The following RABGAP1L variants were observed in gnomAD, a reference collection of about 807,000 sequenced individuals.
The protein encoded by RABGAP1L is RAB GTPase activating protein 1 like, also known as rab GTPase-activating protein 1-like.
A neutral mutation model predicts 137.7 loss-of-function variants in RABGAP1L; 63 were observed. That is an observed-to-expected ratio of 0.46 (90% CI 0.37 to 0.56). The LOEUF (loss-of-function observed/expected upper bound fraction) is 0.56, where lower values mean the gene tolerates loss of function less well. RABGAP1L is among the 20% of genes least tolerant of loss of function. The pLI is 0.00. For missense variants in RABGAP1L, 1,095 were observed against 1,244.0 expected, an observed-to-expected ratio of 0.88 and a Z score of 1.80; for synonymous variants, 431 against 433.7, an observed-to-expected ratio of 0.99 and a Z score of 0.08.
intron 13 of RABGAP1L, among the ~76,000 whole-genome samples, chr1:174,477,685 A>G (rs1428162696): frequency 6.6e-6 from 1 of 152,180 alleles, no homozygotes; most frequent in African/African-American, 2.4e-5. Flanking sequence ...ATCAGACAAC[A>G]TTGTAGTGTG....
intron 14 of RABGAP1L, among the ~76,000 whole-genome samples, chr1:174,644,116 G>A (rs1338662790): frequency 6.6e-6 from 1 of 152,026 alleles, no homozygotes; most frequent in East Asian, 1.9e-4. Context: ...GACTTTATGA[G>A]TCACAGCTCA....
chr1:174,282,226 A>G (rs1675638138), intron 10 of RABGAP1L, among the ~76,000 whole-genome samples: 1 of 152,220 alleles, frequency 6.6e-6, no homozygotes, highest in Non-Finnish European at 1.5e-5. Context: ...TGTTTTCTAC[A>G]GTGCTTGACC....
intron 13 of RABGAP1L, among the ~76,000 whole-genome samples, chr1:174,537,567 C>T (rs1331574675): frequency 6.6e-6 from 1 of 152,172 alleles, no homozygotes; most frequent in African/African-American, 2.4e-5. Context: ...AAATGCTATA[C>T]ACCATCATCC....
intron 11 of RABGAP1L, among the ~76,000 whole-genome samples, chr1:174,327,351 G>T (rs765498583): frequency 2.0e-5 from 3 of 151,914 alleles, no homozygotes; most frequent in African/African-American, 7.2e-5. Flanking sequence ...TATATAAAAA[G>T]ATGTAAATTA....
At chr1:174,389,893 G>T (rs1482938688) in intron 12 of RABGAP1L, among the ~76,000 whole-genome samples, 1 of 152,024 alleles carries the variant, frequency 6.6e-6, no homozygotes, top group Non-Finnish European at 1.5e-5. Flanking sequence ...ATTGTATTAG[G>T]TATCCGTCTT....
chr1:174,785,717 C>A (rs549022761), intron 18 of RABGAP1L, among the ~76,000 whole-genome samples: 1 of 152,224 alleles, frequency 6.6e-6, no homozygotes, highest in Non-Finnish European at 1.5e-5. Context: ...TTCAACTGCT[C>A]ACTCTCATGT....
intron 13 of RABGAP1L, among the ~76,000 whole-genome samples, chr1:174,629,183 A>G (rs1056323293): frequency 1.3e-5 from 2 of 152,184 alleles, no homozygotes; most frequent in Non-Finnish European, 2.9e-5. Flanking sequence ...GGATGATTAG[A>G]TGTGCATTCC....
intron 18 of RABGAP1L, among the ~76,000 whole-genome samples, chr1:174,789,626 C>G (rs141417683): frequency 2.6e-4 from 40 of 152,212 alleles, no homozygotes; most frequent in African/African-American, 8.9e-4. Flanking sequence ...TGTGTTGTGT[C>G]TCTGTGGGGT....
chr1:174,300,295 G>A (rs1677548550), intron 10 of RABGAP1L, among the ~76,000 whole-genome samples: 1 of 152,146 alleles, frequency 6.6e-6, no homozygotes. Flanking sequence ...GGAGGCCGAG[G>A]CTGGTGAATC....
chr1:174,854,903 A>G (rs1649035464), intron 19 of RABGAP1L, among the ~76,000 whole-genome samples: 1 of 151,258 alleles, frequency 6.6e-6, no homozygotes, highest in Admixed American at 6.6e-5. Context: ...GCATCTGGCT[A>G]GTTTTTGTAT....
intron 18 of RABGAP1L, among the ~76,000 whole-genome samples, chr1:174,760,705 T>G (rs1433368685): frequency 6.6e-6 from 1 of 152,196 alleles, no homozygotes; most frequent in African/African-American, 2.4e-5. Context: ...GATGGCTGGA[T>G]CAAATGGTAA....
chr1:174,845,809 TC>T (rs1414854754), intron 19 of RABGAP1L, among the ~76,000 whole-genome samples: 23 of 115,362 alleles, frequency 2.0e-4, no homozygotes, highest in Admixed American at 1.7e-3. Context: ...TGGTACCAGT[TC>T]CTCCTTGTAC....
rs1318686611 is a variant in RABGAP1L, at chr1:174,827,857, C to T, written c.2340+15897C>T. Among the ~76,000 whole-genome samples, 14 of 147,898 alleles carry T rather than the reference C, an allele frequency of 9.5e-5. 1 individual carries two copies. Among genetic ancestry groups the T allele is most frequent in the Admixed American group, 8.1e-4 (12 of 14,762 alleles). On this transcript the variant is annotated intron_variant, in intron 19 of 25. Coordinates refer to ENST00000681986, the MANE Select transcript of RABGAP1L (RefSeq NM_001366446.1). Reference sequence around the variant, plus strand: ...CTTTTATATTGTATCCTATGTTATGCAGACCATAACCTGCCTTATTCCTCT... The same window carrying T: ...CTTTTATATTGTATCCTATGTTATGTAGACCATAACCTGCCTTATTCCTCT...
In RABGAP1L at chr1:174,519,094, C is replaced by T. The variant is rs555880281; in HGVS notation, c.1711-118281C>T. ...AAGACAGAACTAATATATATATACA[C>T]ACACACACACACATACACACACACA... On this transcript the variant is annotated intron_variant, in intron 13 of 25. Coordinates refer to ENST00000681986, the MANE Select transcript of RABGAP1L (RefSeq NM_001366446.1). Among the ~76,000 whole-genome samples the T allele has an allele frequency of 3.3e-3, 491 of 151,012 alleles. 4 individuals are homozygous for T. Among genetic ancestry groups the T allele is most frequent in the African/African-American group, 0.011 (435 of 41,040 alleles).
chr1:174,572,162 G>C (rs892285970), intron 13 of RABGAP1L, among the ~76,000 whole-genome samples: 1 of 152,162 alleles, frequency 6.6e-6, no homozygotes. Context: ...CAAGTAAGAA[G>C]TTTCACATGG....
chr1:174,942,861 T>TTA (rs1175684715), intron 19 of RABGAP1L, among the ~76,000 whole-genome samples: 1 of 152,216 alleles, frequency 6.6e-6, no homozygotes, highest in Non-Finnish European at 1.5e-5. Flanking sequence ...ATATTGGTGC[T>TTA]TATACCTTTC....
At chr1:174,969,236 C>A in intron 20 of RABGAP1L, 41 bp from the exon 21 acceptor site, 1 of 1,431,670 alleles carries the variant, frequency 7.0e-7, no homozygotes, top group Non-Finnish European at 9.6e-7. Flanking sequence ...TTCTGTATGT[C>A]CAGACACTAA....
At chr1:174,804,623 T>A (rs1340057659) in intron 18 of RABGAP1L, among the ~76,000 whole-genome samples, 1 of 152,164 alleles carries the variant, frequency 6.6e-6, no homozygotes, top group Non-Finnish European at 1.5e-5. Flanking sequence ...TCCCTCGGGA[T>A]TTTTAATTTT....
intron 17 of RABGAP1L, among the ~76,000 whole-genome samples, chr1:174,723,194 C>A (rs948917746): frequency 6.6e-6 from 1 of 152,168 alleles, no homozygotes; most frequent in African/African-American, 2.4e-5. Flanking sequence ...CCTGCCTCAG[C>A]CTCCCAAGTA....
Sources: allele counts gnomAD v4.1 joint callset (sites outside exome capture counted in the v4.1 genomes callset), GRCh38; gene constraint gnomAD v4.1.1; transcripts MANE v1.5; gene names NCBI Gene and HGNC (gene_info 2026-07-23, HGNC 2026-07-21).